FRAS1: variants seen among roughly 807,000 people sequenced by gnomAD.
The protein encoded by FRAS1 is Fraser extracellular matrix complex subunit 1.
FRAS1 carries 290 observed loss-of-function variants against 435.2 expected under a neutral mutation model. That is an observed-to-expected ratio of 0.67 (90% confidence interval 0.61 to 0.73). The LOEUF (loss-of-function observed/expected upper bound fraction) is 0.73, where lower values mean the gene tolerates loss of function less well. FRAS1 is among the 30% of genes least tolerant of loss of function. The pLI, the probability that FRAS1 is intolerant of heterozygous loss-of-function variation, is 0.00. For synonymous variants in FRAS1, 1,800 were observed against 1,851.0 expected (o/e 0.97, Z 0.71); for missense variants, 4,860 against 5,001.5 (o/e 0.97, Z 0.85).
chr4:78,263,105 A>G (rs561956682), intron 6 of FRAS1, among the ~76,000 whole-genome samples: 3 of 152,314 alleles, frequency 2.0e-5, no homozygotes, highest in Non-Finnish European at 4.4e-5. Flanking sequence ...TCAGAATGAT[A>G]GAATTCAGGT....
At chr4:78,459,755 C>G (rs1719312107) in intron 47 of FRAS1, among the ~76,000 whole-genome samples, 1 of 152,182 alleles carries the variant, frequency 6.6e-6, no homozygotes, top group African/African-American at 2.4e-5. Context: ...GTAGGACTGG[C>G]TCCTTCTGAG....
intron 47 of FRAS1, among the ~76,000 whole-genome samples, chr4:78,458,529 G>A (rs1719272905): frequency 2.0e-5 from 3 of 152,176 alleles, no homozygotes; most frequent in Admixed American, 2.0e-4. Flanking sequence ...TGGACATAGA[G>A]ATGGGAACCT....
chr4:78,357,439 G>A (rs1730898474), intron 20 of FRAS1, among the ~76,000 whole-genome samples: 1 of 152,122 alleles, frequency 6.6e-6, no homozygotes, highest in Admixed American at 6.6e-5. Flanking sequence ...CATTCTACTG[G>A]GTTACTTCCA....
At chr4:78,492,190 A>G (rs6817036) in intron 59 of FRAS1, among the ~76,000 whole-genome samples, 149,234 of 152,344 alleles carry the variant, frequency 0.98, 73,129 homozygotes, top group East Asian at 1. Context: ...TGGATAAGAA[A>G]AATCAATATC....
intron 20 of FRAS1, among the ~76,000 whole-genome samples, chr4:78,338,420 G>A (rs762762292): frequency 3.3e-5 from 5 of 152,138 alleles, no homozygotes; most frequent in Non-Finnish European, 7.3e-5. Flanking sequence ...CCTACTAATG[G>A]TCAGATGCTC....
At chr4:78,260,379 C>A (rs9762380) in intron 6 of FRAS1, among the ~76,000 whole-genome samples, 1 of 151,732 alleles carries the variant, frequency 6.6e-6, no homozygotes, top group African/African-American at 2.4e-5. Flanking sequence ...TTTATTTCAT[C>A]GATCAGTGGT....
At chr4:78,117,152 T>A (rs560299842) in intron 2 of FRAS1, among the ~76,000 whole-genome samples, 19 of 152,358 alleles carry the variant, frequency 1.2e-4, no homozygotes, top group African/African-American at 4.6e-4. Context: ...GAATGTTGAA[T>A]ATTGGCCCCC....
chr4:78,290,575 T>A (rs1012502225), intron 14 of FRAS1, among the ~76,000 whole-genome samples: 1 of 151,896 alleles, frequency 6.6e-6, no homozygotes, highest in Non-Finnish European at 1.5e-5. Flanking sequence ...TCCTGCTTCC[T>A]GAGCAGCTGG....
chr4:78,424,727 A>G (rs879702445), intron 35 of FRAS1, among the ~76,000 whole-genome samples: 4 of 151,970 alleles, frequency 2.6e-5, no homozygotes, highest in Non-Finnish European at 5.9e-5. Flanking sequence ...GCATCACTTA[A>G]GCCCAGGGGT....
intron 14 of FRAS1, among the ~76,000 whole-genome samples, chr4:78,300,237 A>G (rs1728321669): frequency 1.3e-5 from 2 of 152,212 alleles, no homozygotes; most frequent in South Asian, 4.1e-4. Context: ...TACCAAGTAA[A>G]TTATAACTAA....
intron 2 of FRAS1, among the ~76,000 whole-genome samples, chr4:78,154,256 G>C (rs1430135102): frequency 6.6e-6 from 1 of 152,108 alleles, no homozygotes; most frequent in South Asian, 2.1e-4. Context: ...CAGGTAATTT[G>C]TTACCTACAG....
chr4:78,471,406 A>G (rs1273207918), intron 51 of FRAS1, among the ~76,000 whole-genome samples: 1 of 151,988 alleles, frequency 6.6e-6, no homozygotes, highest in Non-Finnish European at 1.5e-5. Flanking sequence ...GTTAGTGCCA[A>G]TTTCCCCTGT....
intron 2 of FRAS1, among the ~76,000 whole-genome samples, chr4:78,095,376 G>A (rs974920348): frequency 6.6e-6 from 1 of 152,130 alleles, no homozygotes; most frequent in African/African-American, 2.4e-5. Flanking sequence ...ATAAAAACTG[G>A]CTGGATCTAT....
chr4:78,285,683 A>T (rs905689491), intron 13 of FRAS1, among the ~76,000 whole-genome samples: 4 of 151,908 alleles, frequency 2.6e-5, no homozygotes, highest in South Asian at 4.2e-4. Flanking sequence ...CCACCCACCT[A>T]TGCCTCCCAA....
intron 29 of FRAS1, among the ~76,000 whole-genome samples, chr4:78,394,572 G>T (rs1459193332): frequency 6.6e-6 from 1 of 151,878 alleles, no homozygotes; most frequent in Non-Finnish European, 1.5e-5. Flanking sequence ...CTATGTATTT[G>T]TTCTTATTCC....
chr4:78,272,012 T>G (rs1726723247), intron 9 of FRAS1, among the ~76,000 whole-genome samples: 1 of 152,250 alleles, frequency 6.6e-6, no homozygotes, highest in Admixed American at 6.5e-5. Context: ...CCATTCTAAC[T>G]GGTGTGAGAC....
At chr4:78,504,690 A>G (rs10033258) in intron 61 of FRAS1, among the ~76,000 whole-genome samples, 50,025 of 152,002 alleles carry the variant, frequency 0.33, 8,961 homozygotes, top group South Asian at 0.52. Flanking sequence ...TTGCCAGTCT[A>G]TGTCTTTTAA....
intron 9 of FRAS1, among the ~76,000 whole-genome samples, chr4:78,277,999 G>C (rs1307832355): frequency 1.3e-5 from 2 of 152,038 alleles, no homozygotes; most frequent in African/African-American, 4.8e-5. Context: ...TTTTAGTAGA[G>C]ACAGGGTTTC....
chr4:78,415,057 G>A (rs781318259), intron 32 of FRAS1, among the ~76,000 whole-genome samples: 1 of 152,130 alleles, frequency 6.6e-6, no homozygotes, highest in African/African-American at 2.4e-5. Flanking sequence ...AATCACTATA[G>A]AGTTGATGAA....
Sources: allele counts gnomAD v4.1 joint callset (sites outside exome capture counted in the v4.1 genomes callset), GRCh38; gene constraint gnomAD v4.1.1; transcripts MANE v1.5; gene names NCBI Gene and HGNC (gene_info 2026-07-23, HGNC 2026-07-21).